ARHGAP24: variants seen among roughly 807,000 people sequenced by gnomAD.
The protein encoded by ARHGAP24 is Rho GTPase activating protein 24.
A neutral mutation model predicts 76.4 loss-of-function variants in ARHGAP24; 50 were observed. The observed-to-expected ratio is 0.65, with a 90% confidence interval of 0.52 to 0.83. The LOEUF is 0.83. Among genes scored for constraint, ARHGAP24 ranks in the 40% least tolerant of loss-of-function variants. ARHGAP24 has a pLI of 0.00. For synonymous variants in ARHGAP24, 345 were observed against 323.3 expected, an observed-to-expected ratio of 1.07 and a Z score of -0.72; for missense variants, 930 against 914.2, an observed-to-expected ratio of 1.02 and a Z score of -0.22.
chr4:85,530,126 T>G (rs1037215817), intron 1 of ARHGAP24, among the ~76,000 whole-genome samples: 1 of 151,890 alleles, frequency 6.6e-6, no homozygotes, highest in Non-Finnish European at 1.5e-5. Context: ...AAAATTGAAG[T>G]CCCATATACT....
intron 2 of ARHGAP24, among the ~76,000 whole-genome samples, chr4:85,676,053 A>G (rs1722969100): frequency 6.6e-6 from 1 of 152,224 alleles, no homozygotes; most frequent in African/African-American, 2.4e-5. Flanking sequence ...TAAGTTATAA[A>G]TAATTGATAA....
In ARHGAP24 at chr4:86,000,449, ACCCCCCACCCCCC is replaced by A; in HGVS notation, c.2004-27_2004-15del. On this transcript the variant is annotated splice_polypyrimidine_tract_variant and intron_variant, in intron 9 of 9. Transcript: ENST00000395184. ...CTTTATCTCTTACTCTTGCGTCCCC[ACCCCCCACCCCCC>A]CCAACATCCTTTGTAGCTTAGAACA... is the stretch of plus-strand genomic sequence containing the variant. 1 of 383,208 alleles carries A rather than the reference ACCCCCCACCCCCC, an allele frequency of 2.6e-6. No individual in the cohort carries two copies. Among genetic ancestry groups the A allele is most frequent in the Non-Finnish European group, 4.7e-6 (1 of 213,684 alleles). 23.7% of individuals were successfully genotyped at this position (383,208 alleles called of 1,614,324 possible).
intron 3 of ARHGAP24, among the ~76,000 whole-genome samples, chr4:85,781,347 A>T (rs1727545974): frequency 6.6e-6 from 1 of 152,190 alleles, no homozygotes; most frequent in South Asian, 2.1e-4. Flanking sequence ...CGAATCACTG[A>T]TTTCTCAAAG....
chr4:85,995,786 A>G (rs1402501104), intron 9 of ARHGAP24, 129 bp downstream of exon 9: 4 of 922,730 alleles, frequency 4.3e-6, no homozygotes, highest in Non-Finnish European at 6.8e-6. Flanking sequence ...TCCATCATTT[A>G]TGAGCTTTGT....
At chr4:85,615,521 C>T (rs1023657046) in intron 2 of ARHGAP24, among the ~76,000 whole-genome samples, 5 of 152,160 alleles carry the variant, frequency 3.3e-5, no homozygotes, top group Admixed American at 2.0e-4. Context: ...CTGGCTTATA[C>T]ATGCTGGATG....
intron 2 of ARHGAP24, among the ~76,000 whole-genome samples, chr4:85,718,600 T>C (rs543078597): frequency 6.6e-6 from 1 of 152,254 alleles, no homozygotes; most frequent in Non-Finnish European, 1.5e-5. Context: ...GTTAGCTATT[T>C]CAGTTAAAGG....
chr4:85,740,106 T>C (rs1725758574), intron 3 of ARHGAP24, among the ~76,000 whole-genome samples: 1 of 152,202 alleles, frequency 6.6e-6, no homozygotes, highest in Non-Finnish European at 1.5e-5. Flanking sequence ...TTTTGTTTGT[T>C]TGTTTGGCTA....
chr4:85,556,017 T>A (rs1726346913), intron 1 of ARHGAP24, among the ~76,000 whole-genome samples: 1 of 152,102 alleles, frequency 6.6e-6, no homozygotes, highest in Non-Finnish European at 1.5e-5. Flanking sequence ...AGAGGGGCTT[T>A]TGGTTGCCTC....
At chr4:85,752,845 A>G (rs1390968194) in intron 3 of ARHGAP24, among the ~76,000 whole-genome samples, 4 of 152,206 alleles carry the variant, frequency 2.6e-5, no homozygotes, top group Non-Finnish European at 5.9e-5. Context: ...GCCCTAAATA[A>G]ATGTTAACAT....
At chr4:85,920,012 T>G (rs927565094) in intron 3 of ARHGAP24, among the ~76,000 whole-genome samples, 2 of 152,236 alleles carry the variant, frequency 1.3e-5, no homozygotes, top group African/African-American at 4.8e-5. Context: ...ACGTATGGTA[T>G]GTTTACATGT....
chr4:85,593,034 G>A (rs1728181472), intron 2 of ARHGAP24, among the ~76,000 whole-genome samples: 1 of 152,078 alleles, frequency 6.6e-6, no homozygotes, highest in Non-Finnish European at 1.5e-5. Context: ...CCTCCAAACT[G>A]TTCTCCATAG....
Position 85,516,640 on chromosome 4 carries a change from G to T in ARHGAP24, c.-21+41081G>T, listed in dbSNP as rs1160001397. Among the ~76,000 whole-genome samples, 8 of 148,870 alleles carry T rather than the reference G, an allele frequency of 5.4e-5. No homozygotes were observed. The East Asian group carries it at 6.0e-4, about 11-fold the overall frequency. On this transcript the variant is annotated intron_variant, in intron 1 of 9. Transcript: ENST00000395184. The stretch of plus-strand genomic sequence containing the variant: ...TTTTTTTTTCTATTGAGATTTTGTG[G>T]GTTTTTTTCTTAATTTTTGAAGAGC...
rs1740992785 is a variant in ARHGAP24, at chr4:86,001,074, G to A, written c.*352G>A. On this transcript the variant is annotated 3_prime_UTR_variant, in exon 10 of 10. Transcript: ENST00000395184. ...AGCTTGCTTTCAAGCTTCACCCCTTGCACTTAACATAAGCTATTTTTGGCA... is the reference window on the plus strand; with the variant it reads ...AGCTTGCTTTCAAGCTTCACCCCTTACACTTAACATAAGCTATTTTTGGCA... 7.1e-6 allele frequency: 3 copies of A among 425,508 alleles called. No individual in the cohort carries two copies. Among genetic ancestry groups the A allele is most frequent in the Non-Finnish European group, 1.2e-5 (3 of 243,080 alleles). The allele number at this position is 425,508 out of a possible 1,614,324, so 26.4% of individuals were successfully genotyped here. A position where few individuals can be genotyped will look rare whatever the true frequency, so the allele number is the denominator to read the frequency against.
At chr4:85,783,971 A>G (rs1727682891) in intron 3 of ARHGAP24, among the ~76,000 whole-genome samples, 2 of 152,066 alleles carry the variant, frequency 1.3e-5, no homozygotes, top group African/African-American at 2.4e-5. Context: ...AAACAAACAA[A>G]TCTTCAGCCT....
chr4:85,842,158 A>G (rs1416191829), intron 3 of ARHGAP24, among the ~76,000 whole-genome samples: 1 of 152,236 alleles, frequency 6.6e-6, no homozygotes, highest in African/African-American at 2.4e-5. Context: ...CATAGCTAAT[A>G]CAATCTGGAT....
chr4:85,624,320 C>T (rs965063288), intron 2 of ARHGAP24, among the ~76,000 whole-genome samples: 2 of 151,982 alleles, frequency 1.3e-5, no homozygotes, highest in African/African-American at 2.4e-5. Flanking sequence ...TGTCAAAGGC[C>T]TTTTCTGCAT....
chr4:85,870,454 A>G (rs887126554), intron 3 of ARHGAP24, among the ~76,000 whole-genome samples: 1 of 152,132 alleles, frequency 6.6e-6, no homozygotes, highest in East Asian at 1.9e-4. Flanking sequence ...CTGACCTTTC[A>G]TCACTTATCT....
intron 3 of ARHGAP24, among the ~76,000 whole-genome samples, chr4:85,860,782 C>G (rs1017578332): frequency 6.6e-6 from 1 of 151,894 alleles, no homozygotes; most frequent in Non-Finnish European, 1.5e-5. Context: ...AATGATTCAT[C>G]ATAGTCACTT....
intron 3 of ARHGAP24, among the ~76,000 whole-genome samples, chr4:85,731,010 ACAC>A (rs1725379705): frequency 1.5e-5 from 2 of 132,704 alleles, no homozygotes; most frequent in Non-Finnish European, 3.1e-5. Context: ...ACACACACAC[ACAC>A]ACACACACAC....
Sources: gnomAD v4.1 joint callset for allele counts (sites outside exome capture counted in the v4.1 genomes callset) on GRCh38, gnomAD v4.1.1 for gene constraint, MANE v1.5 for transcripts, NCBI Gene and HGNC (gene_info 2026-07-23, HGNC 2026-07-21) for gene names.